The following FOXK2 variants were observed in gnomAD, a reference collection of about 807,000 sequenced individuals.
The protein encoded by FOXK2 is forkhead box K2, also known as forkhead box protein K2.
Under a neutral mutation model 53.3 loss-of-function variants are expected in FOXK2, and 24 were observed. The observed-to-expected ratio is 0.45, with a 90% confidence interval of 0.33 to 0.63. The LOEUF (loss-of-function observed/expected upper bound fraction) is 0.63, where lower values mean the gene tolerates loss of function less well. Ranked by LOEUF, FOXK2 falls within the 30% of genes least tolerant of loss-of-function variation. The pLI is 0.03. For missense variants in FOXK2, 952 were observed against 910.5 expected (o/e 1.05, Z -0.59); for synonymous variants, 505 against 407.1 (o/e 1.24, Z -2.89).
Position 82,582,767 on chromosome 17 carries a change from GA to G in FOXK2, c.938del (p.Asn313IlefsTer22). 6.2e-7 allele frequency: 1 copy of G among 1,601,052 alleles called. No homozygotes were observed. Among genetic ancestry groups the G allele is most frequent in the Non-Finnish European group, 8.5e-7 (1 of 1,176,018 alleles). ...ATTCAATTCGCCACAATCTCTCTCTGAATCGTTATTTCATCAAAGTGCCGCG... is the reference window on the plus strand; with the variant it reads ...ATTCAATTCGCCACAATCTCTCTCTGATCGTTATTTCATCAAAGTGCCGCG... ...QNSIRHNLSL[N>X]RYFIKVPRSQ... is the part of the protein sequence containing the mutation. On this transcript the variant is annotated frameshift_variant, in exon 5 of 9. Coordinates refer to ENST00000335255, the MANE Select transcript of FOXK2 (RefSeq NM_004514.4). LOFTEE classifies it high-confidence loss of function.
At chr17:82,596,112 C>T (rs1047210655) in intron 8 of FOXK2, 7 of 1,049,982 alleles carry the variant, frequency 6.7e-6, no homozygotes, top group Non-Finnish European at 8.1e-6. Context: ...GCCACACCTG[C>T]GGCCACAGAC....
chr17:82,533,289 G>A (rs1287654234), intron 1 of FOXK2, among the ~76,000 whole-genome samples: 1 of 152,098 alleles, frequency 6.6e-6, no homozygotes, highest in African/African-American at 2.4e-5. Flanking sequence ...AGGAGTTTGA[G>A]ACCAGCCTGG....
rs3752822 is a variant in FOXK2, at chr17:82,596,162, C to T, written c.1787-5141C>T. The T allele has an allele frequency of 2.5e-4, 251 of 1,018,742 alleles. 3 individuals carry two copies. The highest frequency in any genetic ancestry group is 1.5e-3 in the Middle Eastern group (3 of 2,054). The allele number at this position is 1,018,742 out of a possible 1,614,324, so 63.1% of individuals were successfully genotyped here. A position where few individuals can be genotyped will look rare whatever the true frequency, so the allele number is the denominator to read the frequency against. On this transcript the variant is annotated intron_variant, in intron 8 of 8. Transcript: ENST00000335255. ...CAGGGAGGAGCATCTGAGGTGGTCA[C>T]GGGGTTTGCCCAGCTCACACCAACT... is the stretch of plus-strand genomic sequence containing the variant.
At chr17:82,552,547 T>G (rs1214135350) in intron 1 of FOXK2, among the ~76,000 whole-genome samples, 2 of 152,188 alleles carry the variant, frequency 1.3e-5, no homozygotes, top group Non-Finnish European at 2.9e-5. Context: ...TCAGCCTTTG[T>G]CTTCTGTGAC....
At chr17:82,524,746 G>A (rs2044400286) in intron 1 of FOXK2, among the ~76,000 whole-genome samples, 1 of 152,226 alleles carries the variant, frequency 6.6e-6, no homozygotes, top group Non-Finnish European at 1.5e-5. Flanking sequence ...CTGGGAGACT[G>A]GAGGGTGGGC....
At chr17:82,595,760 C>T in intron 8 of FOXK2, 2 of 1,288,844 alleles carry the variant, frequency 1.6e-6, no homozygotes, top group Non-Finnish European at 2.0e-6. Context: ...GACTTGGGGT[C>T]CTTTCCCACT....
chr17:82,581,861 C>T (rs150713270), intron 4 of FOXK2, among the ~76,000 whole-genome samples: 55 of 152,224 alleles, frequency 3.6e-4, no homozygotes, highest in African/African-American at 5.5e-4. Context: ...CCGCTGCGCC[C>T]GTCTGGCTTT....
intron 8 of FOXK2, 103 bp from the exon 9 acceptor site, chr17:82,601,200 G>C: frequency 8.1e-7 from 1 of 1,234,606 alleles, no homozygotes; most frequent in Admixed American, 2.2e-5. Flanking sequence ...TCACATGAGA[G>C]CGTGGGGTTC....
At position 82,573,556 on chromosome 17, in the gene FOXK2, TCTCTCTCACA is replaced by T. The variant is rs1404597045; in HGVS notation, c.909+1688_909+1697del. Among the ~76,000 whole-genome samples the T allele has an allele frequency of 2.1e-3, 247 of 116,542 alleles. 1 individual carries two copies. Among genetic ancestry groups the T allele is most frequent in the East Asian group, 9.6e-3 (46 of 4,788 alleles). 76.5% of individuals were successfully genotyped at this position (116,542 alleles called of 152,430 possible). On this transcript the variant is annotated intron_variant, in intron 4 of 8. Coordinates refer to ENST00000335255, the MANE Select transcript of FOXK2 (RefSeq NM_004514.4). Reference sequence around the variant, plus strand: ...CACACACTCTCTCTCTCTCTCTCTCTCTCTCTCACACACACACACACACACACACACACAC... The same window carrying T: ...CACACACTCTCTCTCTCTCTCTCTCTCACACACACACACACACACACACAC...
chr17:82,589,827 C>G (rs2045235281), intron 8 of FOXK2, among the ~76,000 whole-genome samples: 1 of 152,196 alleles, frequency 6.6e-6, no homozygotes, highest in Non-Finnish European at 1.5e-5. Flanking sequence ...GGGCGGATCA[C>G]TTGAGATCAG....
At chr17:82,591,781 C>T (rs1001536964) in intron 8 of FOXK2, among the ~76,000 whole-genome samples, 2 of 152,214 alleles carry the variant, frequency 1.3e-5, no homozygotes, top group South Asian at 2.1e-4. Context: ...CTGCGGGTGC[C>T]GCCGTCCACA....
At chr17:82,593,539 C>T (rs776694766) in intron 8 of FOXK2, 2 of 152,400 alleles carry the variant, frequency 1.3e-5, no homozygotes, top group Non-Finnish European at 2.9e-5. Context: ...AGGCCACATA[C>T]CTGGGAGAGT....
intron 8 of FOXK2, chr17:82,594,038 C>T (rs909205410): frequency 7.2e-5 from 11 of 152,202 alleles, no homozygotes; most frequent in Non-Finnish European, 1.0e-4. Context: ...CAGCTGCTCT[C>T]GTGTCTGAGC....
chr17:82,539,404 T>C (rs2044553049), intron 1 of FOXK2, among the ~76,000 whole-genome samples: 1 of 151,956 alleles, frequency 6.6e-6, no homozygotes, highest in African/African-American at 2.4e-5. Context: ...CTCAACACTT[T>C]GGGAAGCTGA....
chr17:82,586,012 C>G lies in FOXK2; in HGVS notation c.1388C>G (p.Ser463Cys). ...TVATPVTTST[S>C]QPPVVQTVHV... ...GCCACCCCAGTGACCACCTCGACCT[C>G]CCAGCCACCCGTCGTGCAGACGGTT... is the stretch of plus-strand genomic sequence containing the variant. The change falls in exon 7 of 9, where the codon TCC becomes TGC. Residue 463 changes from serine to cysteine, a missense_variant. Ser to Cys is a moderately radical substitution (Grantham distance 112, BLOSUM62 -1). This residue lies in a region of FOXK2 where 551 missense variants were observed against 385.1 expected (regional missense o/e 1.43). Transcript: ENST00000335255. 1 of 1,612,832 alleles carries G rather than the reference C, an allele frequency of 6.2e-7. No homozygotes were observed. The highest frequency in any genetic ancestry group is 8.5e-7 in the Non-Finnish European group (1 of 1,179,986).
At chr17:82,559,077 AG>A (rs2044764205) in intron 1 of FOXK2, among the ~76,000 whole-genome samples, 1 of 151,984 alleles carries the variant, frequency 6.6e-6, no homozygotes, top group African/African-American at 2.4e-5. Context: ...TGTTTTTAGT[AG>A]CAATGGGGTT....
At chr17:82,520,480 C>T (rs1234647558) in intron 1 of FOXK2, among the ~76,000 whole-genome samples, 173 bp downstream of exon 1, 1 of 152,134 alleles carries the variant, frequency 6.6e-6, no homozygotes, top group Non-Finnish European at 1.5e-5. Context: ...TCGACAGCCC[C>T]TGGCCCCGAC....
At chr17:82,529,313 C>T (rs1246686584) in intron 1 of FOXK2, among the ~76,000 whole-genome samples, 1 of 149,052 alleles carries the variant, frequency 6.7e-6, no homozygotes. Context: ...GTGTCCACCT[C>T]CCGGGTTCAA....
At chr17:82,546,199 C>T (rs2044624157) in intron 1 of FOXK2, among the ~76,000 whole-genome samples, 1 of 147,570 alleles carries the variant, frequency 6.8e-6, no homozygotes, top group South Asian at 2.2e-4. Context: ...TCACAGCAAC[C>T]TCCGCCTCCT....
Sources: gnomAD v4.1 joint callset for allele counts (sites outside exome capture counted in the v4.1 genomes callset) on GRCh38, gnomAD v4.1.1 for gene constraint, gnomAD v4.1.1 regional missense constraint, MANE v1.5 for transcripts, NCBI Gene and HGNC (gene_info 2026-07-23, HGNC 2026-07-21) for gene names.